The following CTNNA2 variants were observed in gnomAD, a reference collection of about 807,000 sequenced individuals.
The protein encoded by CTNNA2 is catenin alpha 2.
CTNNA2 carries 42 observed loss-of-function variants against 101.0 expected under a neutral mutation model. The ratio of observed to expected loss-of-function variants is 0.42; its 90% CI spans 0.32 to 0.54. The LOEUF is 0.54. Ranked by LOEUF, CTNNA2 falls within the 20% of genes least tolerant of loss-of-function variation. The pLI, the probability that CTNNA2 is intolerant of heterozygous loss-of-function variation, is 0.14. For missense variants in CTNNA2, 871 were observed against 1,223.1 expected (o/e 0.71, Z 4.29); for synonymous variants, 450 against 456.4 (o/e 0.99, Z 0.18).
intron 3 of CTNNA2, among the ~76,000 whole-genome samples, chr2:79,809,572 C>A (rs908997212): frequency 6.6e-6 from 1 of 152,128 alleles, no homozygotes; most frequent in Non-Finnish European, 1.5e-5. Flanking sequence ...TGTTTCTTAG[C>A]TGCATAAATG....
intron 2 of CTNNA2, among the ~76,000 whole-genome samples, chr2:79,259,234 T>C (rs1489255159): frequency 6.6e-6 from 1 of 152,210 alleles, no homozygotes; most frequent in African/African-American, 2.4e-5. Context: ...ATTCTCCCTG[T>C]TGCTTAGATT....
intron 7 of CTNNA2, among the ~76,000 whole-genome samples, chr2:80,117,455 A>AGT (rs59521287): frequency 0.035 from 5,093 of 145,844 alleles, 151 homozygotes; most frequent in African/African-American, 0.088. Context: ...TTCCTGTGTG[A>AGT]GTGTGTGTGT....
Position 79,600,207 on chromosome 2 carries a change from CCT to C in CTNNA2, c.-5-51342_-5-51341del, listed in dbSNP as rs572922016. The stretch of plus-strand genomic sequence containing the variant: ...TATTTTATTTTTGAGACTATGTCTT[CCT>C]CTGTCACCCAGGCTGGAGTGCTGGG... On this transcript the variant is annotated intron_variant, in intron 1 of 18. Transcript: ENST00000402739. 4.2e-3 allele frequency among the ~76,000 whole-genome samples: 632 copies of C among 151,882 alleles called. 4 individuals are homozygous for C. Among genetic ancestry groups the C allele is most frequent in the Non-Finnish European group, 7.0e-3 (476 of 67,942 alleles).
At chr2:79,285,772 A>G (rs1321921706) in intron 2 of CTNNA2, among the ~76,000 whole-genome samples, 4 of 145,334 alleles carry the variant, frequency 2.8e-5, no homozygotes, top group East Asian at 2.0e-4. Flanking sequence ...TATTAGGTCC[A>G]CTTGGTGCAG....
intron 9 of CTNNA2, among the ~76,000 whole-genome samples, chr2:80,541,974 A>G (rs1444784464): frequency 6.6e-6 from 1 of 151,274 alleles, no homozygotes; most frequent in East Asian, 1.9e-4. Flanking sequence ...CTCAGCTTCA[A>G]CAATTATAAA....
intron 1 of CTNNA2, among the ~76,000 whole-genome samples, chr2:79,577,614 G>C (rs1410671969): frequency 6.6e-6 from 1 of 151,964 alleles, no homozygotes; most frequent in African/African-American, 2.4e-5. Flanking sequence ...TTTGTAGATA[G>C]TCTAAGTATT....
intron 2 of CTNNA2, among the ~76,000 whole-genome samples, chr2:79,242,409 A>C (rs902467135): frequency 6.6e-6 from 1 of 152,032 alleles, no homozygotes; most frequent in Non-Finnish European, 1.5e-5. Context: ...GGGGAAACCT[A>C]ATTCGAATTT....
intron 7 of CTNNA2, among the ~76,000 whole-genome samples, chr2:80,050,861 A>G (rs1286025127): frequency 1.3e-5 from 2 of 152,104 alleles, no homozygotes; most frequent in East Asian, 1.9e-4. Flanking sequence ...GATTACAGGC[A>G]TGTACCACCA....
chr2:79,655,326 C>A (rs72923354), intron 2 of CTNNA2, among the ~76,000 whole-genome samples: 6,006 of 152,132 alleles, frequency 0.039, 375 homozygotes, highest in African/African-American at 0.14. Flanking sequence ...GTAAATGTAG[C>A]TTCTGTTTTT....
intron 2 of CTNNA2, among the ~76,000 whole-genome samples, chr2:79,248,559 G>C (rs1310792506): frequency 6.6e-6 from 1 of 152,084 alleles, no homozygotes; most frequent in Non-Finnish European, 1.5e-5. Context: ...AGGAGTGCAG[G>C]CCTAGAAGAG....
intron 7 of CTNNA2, among the ~76,000 whole-genome samples, chr2:80,241,286 A>G (rs1670918970): frequency 6.6e-6 from 1 of 151,634 alleles, no homozygotes; most frequent in Admixed American, 6.6e-5. Flanking sequence ...GACCAGGAAA[A>G]TTGAGACATA....
chr2:79,756,288 T>G (rs917842439), intron 3 of CTNNA2, among the ~76,000 whole-genome samples: 2 of 152,250 alleles, frequency 1.3e-5, no homozygotes, highest in Non-Finnish European at 2.9e-5. Context: ...TCATCCTGTT[T>G]GTCATTTGAA....
intron 2 of CTNNA2, among the ~76,000 whole-genome samples, chr2:79,735,839 C>T (rs972869644): frequency 9.9e-5 from 15 of 152,152 alleles, no homozygotes; most frequent in Admixed American, 3.9e-4. Context: ...TGTCAGATAA[C>T]GGGGAGGAAA....
chr2:79,873,763 G>A (rs1235907642), intron 5 of CTNNA2, among the ~76,000 whole-genome samples: 3 of 151,806 alleles, frequency 2.0e-5, no homozygotes, highest in African/African-American at 7.3e-5. Context: ...CTAGCCTGGT[G>A]TGGAAGCATG....
intron 9 of CTNNA2, among the ~76,000 whole-genome samples, chr2:80,443,523 A>G (rs905957654): frequency 2.0e-5 from 3 of 152,170 alleles, no homozygotes; most frequent in Non-Finnish European, 1.5e-5. Context: ...AATAGAAAGA[A>G]CACTTAACTG....
chr2:80,599,837 A>G (rs1697319951), intron 15 of CTNNA2, among the ~76,000 whole-genome samples: 1 of 151,950 alleles, frequency 6.6e-6, no homozygotes, highest in Non-Finnish European at 1.5e-5. Context: ...GATTAGTTAC[A>G]TATGTATACA....
chr2:79,593,989 A>G (rs1303006825), intron 1 of CTNNA2, among the ~76,000 whole-genome samples: 1 of 144,518 alleles, frequency 6.9e-6, no homozygotes, highest in African/African-American at 2.6e-5. Flanking sequence ...CCCAGGTTCA[A>G]GCAATTCCTA....
chr2:80,077,246 T>A (rs1329536554), intron 7 of CTNNA2, among the ~76,000 whole-genome samples: 1 of 152,116 alleles, frequency 6.6e-6, no homozygotes, highest in East Asian at 1.9e-4. Flanking sequence ...TACCCAACAA[T>A]AACACTTTTA....
At chr2:80,264,243 C>A (rs1028896911) in intron 7 of CTNNA2, among the ~76,000 whole-genome samples, 1 of 151,980 alleles carries the variant, frequency 6.6e-6, no homozygotes, top group African/African-American at 2.4e-5. Flanking sequence ...AAAATAGCAT[C>A]ATTTTGCTAT....
Sources: allele counts gnomAD v4.1 joint callset (sites outside exome capture counted in the v4.1 genomes callset), GRCh38; gene constraint gnomAD v4.1.1; transcripts MANE v1.5; gene names NCBI Gene and HGNC (gene_info 2026-07-23, HGNC 2026-07-21).